The following TTBK2 variants were observed in gnomAD, a reference collection of about 807,000 sequenced individuals.
TTBK2 encodes tau-tubulin kinase 2.
TTBK2 carries 28 observed loss-of-function variants against 110.8 expected under a neutral mutation model. The ratio of observed to expected loss-of-function variants is 0.25; its 90% CI spans 0.19 to 0.35. The LOEUF (loss-of-function observed/expected upper bound fraction) is 0.35, where lower values mean the gene tolerates loss of function less well. Ranked by LOEUF, TTBK2 falls within the 10% of genes least tolerant of loss-of-function variation. TTBK2 has a pLI of 1.00. For missense variants in TTBK2, 1,369 were observed against 1,500.3 expected, an observed-to-expected ratio of 0.91 and a Z score of 1.45; for synonymous variants, 532 against 527.3, an observed-to-expected ratio of 1.01 and a Z score of -0.12.
chr15:42,748,651 A>G (rs2061826815), intron 14 of TTBK2, among the ~76,000 whole-genome samples: 2 of 151,822 alleles, frequency 1.3e-5, no homozygotes, highest in African/African-American at 4.8e-5. Context: ...GAGCTCAAGC[A>G]ATCTGCCTGC....
rs1235485256 is a variant in TTBK2 at position 42,745,901 on chromosome 15, T to C, written c.3629A>G (p.Lys1210Arg). The change falls in exon 15 of 15, where the codon AAA (lysine) becomes AGA (arginine). Residue 1210 changes from lysine to arginine, a missense_variant. Lys to Arg is a conservative substitution (Grantham distance 26). Around this residue, in one of 4 missense-constraint regions of TTBK2, gnomAD observed 1,097 missense variants for 1,114.7 expected, o/e 0.98. Transcript: ENST00000267890. The stretch of plus-strand genomic sequence containing the variant: ...TCCTTTCAGGCCATTCTTGCTGGGT[T>C]TGCAATGCTCCTGTTGGCAGGACCT... ...SRRSCQQEHC[K>R]PSKNGLKGSG... 6.2e-7 allele frequency: 1 copy of C among 1,614,100 alleles called. No homozygotes were observed. The highest frequency in any genetic ancestry group is 2.2e-5 in the East Asian group (1 of 44,882).
In TTBK2 at chr15:42,775,128, T is replaced by G. The variant is rs1293938649; in HGVS notation, c.1998+7A>C. The G allele has an allele frequency of 6.2e-7, 1 of 1,611,498 alleles. No individual in the cohort carries two copies. The highest frequency in any genetic ancestry group is 8.5e-7 in the Non-Finnish European group (1 of 1,179,804). On this transcript the variant is annotated splice_region_variant and intron_variant, in intron 13 of 14. Coordinates refer to ENST00000267890, the MANE Select transcript of TTBK2 (RefSeq NM_173500.4). ...ACAGAGAATAATAATAAAAACAAATTTCTTACCGCTGTAAGGGGTCCTTCT... is the reference window on the plus strand; with the variant it reads ...ACAGAGAATAATAATAAAAACAAATGTCTTACCGCTGTAAGGGGTCCTTCT...
Position 42,806,465 on chromosome 15 carries a change from T to C in TTBK2, c.822+4149A>G, listed in dbSNP as rs972220389. ...TTTATAACACTTCCAACGCTTTGTG[T>C]TGTACTTAGAATAAAAATCCAAACT... On this transcript the variant is annotated intron_variant, in intron 9 of 14. Transcript: ENST00000267890. Among the ~76,000 whole-genome samples, 4 of 152,316 alleles carry C rather than the reference T, an allele frequency of 2.6e-5. No individual in the cohort carries two copies. In the South Asian group the frequency reaches 8.3e-4, roughly 32 times the overall value.
chr15:42,857,687 C>CTT lies in TTBK2; in HGVS notation c.217+14922_217+14923dup, dbSNP rs1346357698. 2.6e-5 allele frequency among the ~76,000 whole-genome samples: 4 copies of CTT among 152,126 alleles called. No homozygotes were observed. In the East Asian group the frequency reaches 7.7e-4, roughly 29 times the overall value. On this transcript the variant is annotated intron_variant, in intron 3 of 14. Coordinates refer to ENST00000267890, the MANE Select transcript of TTBK2 (RefSeq NM_173500.4). Reference sequence around the variant, plus strand: ...ACAGATCCCTCAAATTTCCCTAATGCTTAACACAGCTACTTCTAATACGTT... The same window carrying CTT: ...ACAGATCCCTCAAATTTCCCTAATGCTTTTAACACAGCTACTTCTAATACGTT...
At chr15:42,903,872 A>C (rs2030215886) in intron 1 of TTBK2, among the ~76,000 whole-genome samples, 1 of 152,234 alleles carries the variant, frequency 6.6e-6, no homozygotes. Flanking sequence ...CTTTCCACTT[A>C]CTTGCTCTGA....
At chr15:42,891,539 A>C (rs993851767) in intron 1 of TTBK2, among the ~76,000 whole-genome samples, 3 of 151,960 alleles carry the variant, frequency 2.0e-5, no homozygotes, top group African/African-American at 2.4e-5. Context: ...AAAAAAAAAA[A>C]CAAACTCTGA....
At chr15:42,776,627 T>G (rs1889937178) in intron 12 of TTBK2, among the ~76,000 whole-genome samples, 2 of 152,238 alleles carry the variant, frequency 1.3e-5, no homozygotes, top group Admixed American at 1.3e-4. Context: ...TATGAATTAC[T>G]TTTTCCCCTC....
chr15:42,801,817 T>C (rs916876528), intron 9 of TTBK2: 2 of 850,368 alleles, frequency 2.4e-6, no homozygotes, highest in African/African-American at 1.6e-5. Context: ...TTCATCTACA[T>C]ACTCCTTGAT....
chr15:42,837,396 G>T (rs1366490589), intron 4 of TTBK2, among the ~76,000 whole-genome samples: 1 of 150,076 alleles, frequency 6.7e-6, no homozygotes, highest in African/African-American at 2.5e-5. Context: ...GGTGGCTTAC[G>T]CCTGTAATCC....
intron 3 of TTBK2, among the ~76,000 whole-genome samples, chr15:42,852,532 C>T (rs1893761671): frequency 6.6e-6 from 1 of 152,150 alleles, no homozygotes; most frequent in Non-Finnish European, 1.5e-5. Flanking sequence ...TCCAAATGTT[C>T]TTTGTGCATA....
chr15:42,768,940 C>A (rs182915446), intron 13 of TTBK2, among the ~76,000 whole-genome samples: 1 of 152,078 alleles, frequency 6.6e-6, no homozygotes, highest in Admixed American at 6.6e-5. Context: ...AGAGCAGAGG[C>A]CTCAGAAATA....
At chr15:42,908,673 C>T (rs745537733) in intron 1 of TTBK2, among the ~76,000 whole-genome samples, 4 of 152,016 alleles carry the variant, frequency 2.6e-5, no homozygotes, top group South Asian at 2.1e-4. Flanking sequence ...AGTGTACATG[C>T]CAAGGGAATG....
chr15:42,855,720 T>G (rs1416292087), intron 3 of TTBK2, among the ~76,000 whole-genome samples: 1 of 152,258 alleles, frequency 6.6e-6, no homozygotes, highest in East Asian at 1.9e-4. Context: ...GGAGTCTTGC[T>G]GTCGCCCAGG....
At chr15:42,911,872 A>C (rs1022479942) in intron 1 of TTBK2, among the ~76,000 whole-genome samples, 2 of 152,184 alleles carry the variant, frequency 1.3e-5, no homozygotes, top group African/African-American at 4.8e-5. Context: ...AGGGGTGTCC[A>C]ATCTTTTGGC....
Position 42,742,575 on chromosome 15 carries a change from G to A in TTBK2, c.*3220C>T, listed in dbSNP as rs2061757820. 1 of 152,180 alleles carries A rather than the reference G, an allele frequency of 6.6e-6. No homozygotes were observed. The highest frequency in any genetic ancestry group is 2.4e-5 in the African/African-American group (1 of 41,438). 9.4% of individuals were successfully genotyped at this position (152,180 alleles called of 1,614,324 possible). A position where few individuals can be genotyped will look rare whatever the true frequency, so the allele number is the denominator to read the frequency against. ...AGGAGAAATGCTACCTAAAGTGATT[G>A]AGCTGTTGCTAATTCTACCTTCTGT... On this transcript the variant is annotated 3_prime_UTR_variant, in exon 15 of 15. Transcript: ENST00000267890.
chr15:42,891,012 G>C (rs1207000495), intron 1 of TTBK2, among the ~76,000 whole-genome samples: 1 of 151,920 alleles, frequency 6.6e-6, no homozygotes, highest in African/African-American at 2.4e-5. Context: ...GGGATTACAG[G>C]TGTGCACCAC....
chr15:42,810,520 C>T (rs1330355512), intron 9 of TTBK2, 94 bp downstream of exon 9: 5 of 1,501,190 alleles, frequency 3.3e-6, no homozygotes, highest in South Asian at 1.1e-5. Context: ...AAGGACCTCC[C>T]CTACTCATTT....
intron 10 of TTBK2, 134 bp downstream of exon 10, chr15:42,794,510 T>C (rs1316021323): frequency 8.2e-7 from 1 of 1,223,672 alleles, no homozygotes; most frequent in Non-Finnish European, 1.2e-6. Flanking sequence ...AAGAGCAATG[T>C]TAATTCGAGG....
In TTBK2 at chr15:42,739,138, C is replaced by T. The variant is rs2061735061; in HGVS notation, c.*6657G>A. ...TACAGGTGGCCTATACAAAAGCACTCCATGTTTCTGCCGATACTCTGTCCT... is the reference window on the plus strand; with the variant it reads ...TACAGGTGGCCTATACAAAAGCACTTCATGTTTCTGCCGATACTCTGTCCT... On this transcript the variant is annotated 3_prime_UTR_variant, in exon 15 of 15. Coordinates refer to ENST00000267890, the MANE Select transcript of TTBK2 (RefSeq NM_173500.4). 6.6e-6 allele frequency: 1 copy of T among 152,092 alleles called. No individual in the cohort carries two copies. Among genetic ancestry groups the T allele is most frequent in the African/African-American group, 2.4e-5 (1 of 41,400 alleles). 9.4% of individuals were successfully genotyped at this position (152,092 alleles called of 1,614,324 possible).
Sources: allele counts gnomAD v4.1 joint callset (sites outside exome capture counted in the v4.1 genomes callset), GRCh38; gene constraint gnomAD v4.1.1; regional missense constraint gnomAD v4.1.1; transcripts MANE v1.5; gene names NCBI Gene and HGNC (gene_info 2026-07-23, HGNC 2026-07-21).